The following EGFL6 variants were observed in gnomAD, a reference collection of about 807,000 sequenced individuals.
EGFL6 encodes the protein EGF like domain multiple 6.
A neutral mutation model predicts 43.1 loss-of-function variants in EGFL6; 42 were observed. The observed-to-expected ratio is 0.98, with a 90% confidence interval of 0.76 to 1.26. EGFL6 has a LOEUF of 1.26. EGFL6 is among the 50% of genes most tolerant of loss of function. EGFL6 has a pLI of 0.00. For missense variants in EGFL6, 429 were observed against 427.8 expected, an observed-to-expected ratio of 1.00 and a Z score of -0.02; for synonymous variants, 164 against 163.2, an observed-to-expected ratio of 1.01 and a Z score of -0.04.
At chrX:13,599,798 C>T (rs1336465730) in intron 3 of EGFL6, among the ~76,000 whole-genome samples, 177 bp from the exon 4 acceptor site, 1 of 111,024 alleles carries the variant, frequency 9.0e-6, no homozygotes, top group Non-Finnish European at 1.9e-5. Flanking sequence ...ATTCCATTTG[C>T]TACACATTGT....
At position 13,569,824 on chromosome X, in the gene EGFL6, A is replaced by AG. The variant is rs761692115; in HGVS notation, c.-32dup. Reference sequence around the variant, plus strand: ...ACGGGGTCCGGCCGGCGCCCTCCCGAGGGGGGCTCAGGAGGAGGAAGGAGG... The same window carrying AG: ...ACGGGGTCCGGCCGGCGCCCTCCCGAGGGGGGGCTCAGGAGGAGGAAGGAGG... On this transcript the variant is annotated 5_prime_UTR_variant, in exon 1 of 12. Transcript: ENST00000361306. 7.5e-6 allele frequency: 9 copies of AG among 1,198,798 alleles called. No individual in the cohort carries two copies. The highest frequency in any genetic ancestry group is 1.7e-5 in the African/African-American group (1 of 57,246).
chrX:13,603,480 G>T (rs751251403), intron 5 of EGFL6, 44 bp downstream of exon 5: 1 of 1,145,574 alleles, frequency 8.7e-7, no homozygotes. Flanking sequence ...CTCCTCCCTT[G>T]ACTCCCCTTT....
intron 1 of EGFL6, chrX:13,574,806 G>A (rs138364468): frequency 0.015 from 1,745 of 116,794 alleles, 15 homozygotes; most frequent in Middle Eastern, 0.026. Flanking sequence ...GTACATGCTG[G>A]AGTACAAGAA....
chrX:13,631,478 A>G (rs893223611), intron 11 of EGFL6, among the ~76,000 whole-genome samples: 1 of 111,821 alleles, frequency 8.9e-6, no homozygotes, highest in African/African-American at 3.3e-5. Context: ...TTAAATTACA[A>G]TATTGAAGAA....
At chrX:13,575,748 G>A (rs999147785) in intron 1 of EGFL6, among the ~76,000 whole-genome samples, 1 of 112,769 alleles carries the variant, frequency 8.9e-6, no homozygotes, top group South Asian at 3.7e-4. Context: ...CAAGCTATTT[G>A]ACATTGGGGG....
At chrX:13,600,266 CTTCT>C (rs202232140) in intron 4 of EGFL6, among the ~76,000 whole-genome samples, 172 bp downstream of exon 4, 3 of 73,637 alleles carry the variant, frequency 4.1e-5, no homozygotes, top group African/African-American at 1.2e-4. Context: ...CCTTTCTTTC[CTTCT>C]TTCTTTCTTC....
At chrX:13,610,049 C>A (rs749859515) in intron 7 of EGFL6, among the ~76,000 whole-genome samples, 9 of 111,633 alleles carry the variant, frequency 8.1e-5, no homozygotes, top group Admixed American at 7.6e-4. Context: ...AGACATTCAG[C>A]GCCACACCCA....
chrX:13,586,007 T>C (rs1441488147), intron 1 of EGFL6, among the ~76,000 whole-genome samples: 1 of 112,255 alleles, frequency 8.9e-6, no homozygotes, highest in Non-Finnish European at 1.9e-5. Flanking sequence ...TTCACCAAGG[T>C]ATGGGGATAG....
At position 13,631,317 on chromosome X, in the gene EGFL6, G is replaced by T. The variant is rs149988495; in HGVS notation, c.1552-1668G>T. ...TCTAGGCCTAGTCTGCTCTTTATGG[G>T]AGGCATGGGAGACATACTTCTCTTT... On this transcript the variant is annotated intron_variant, in intron 11 of 11. Coordinates refer to ENST00000361306, the MANE Select transcript of EGFL6 (RefSeq NM_015507.4). 1.7e-3 allele frequency among the ~76,000 whole-genome samples: 185 copies of T among 111,948 alleles called. 2 individuals are homozygous for T. The highest frequency in any genetic ancestry group is 9.3e-3 in the Middle Eastern group (2 of 216).
At chrX:13,628,168 G>A (rs974699106) in intron 11 of EGFL6, among the ~76,000 whole-genome samples, 7 of 111,230 alleles carry the variant, frequency 6.3e-5, no homozygotes, top group Admixed American at 5.8e-4. Context: ...GGTATTACAA[G>A]GGCTTAGAGG....
intron 11 of EGFL6, among the ~76,000 whole-genome samples, chrX:13,630,914 A>G (rs762253991): frequency 8.9e-6 from 1 of 112,791 alleles, no homozygotes; most frequent in African/African-American, 3.2e-5. Flanking sequence ...TTTCTTTAAA[A>G]TGCCAATTTA....
rs184909579 is a variant in EGFL6, at chrX:13,588,784, T to C, written c.75-772T>C. ...AAATTATATGCTATTCAAATTACAG[T>C]GTCCATAAATAAAGTTTTATTGGAA... On this transcript the variant is annotated intron_variant, in intron 1 of 11. Coordinates refer to ENST00000361306, the MANE Select transcript of EGFL6 (RefSeq NM_015507.4). 3.6e-5 allele frequency among the ~76,000 whole-genome samples: 4 copies of C among 112,463 alleles called. No individual in the cohort carries two copies. The East Asian group carries it at 1.1e-3, about 31-fold the overall frequency.
Position 13,569,760 on chromosome X carries a change from C to G in EGFL6, c.-102C>G. On this transcript the variant is annotated 5_prime_UTR_variant, in exon 1 of 12. Transcript: ENST00000361306. ...GTAACTGCGAGTGGAGCGGAGGACC[C>G]GAGCGGCTGAGGAGAGAGGAGGCGG... is the stretch of plus-strand genomic sequence containing the variant. 2.4e-6 allele frequency: 2 copies of G among 828,479 alleles called. No homozygotes were observed. The highest frequency in any genetic ancestry group is 2.2e-5 in the South Asian group (1 of 45,011). The allele number at this position is 828,479 out of a possible 1,213,427, so 68.3% of individuals were successfully genotyped here.
chrX:13,598,752 T>C (rs945042522), intron 3 of EGFL6, among the ~76,000 whole-genome samples: 2 of 107,053 alleles, frequency 1.9e-5, no homozygotes, highest in Admixed American at 2.1e-4. Flanking sequence ...TGTAACCTTC[T>C]TTTATCACGT....
At chrX:13,615,811 G>A (rs1310182798) in intron 7 of EGFL6, among the ~76,000 whole-genome samples, 1 of 111,764 alleles carries the variant, frequency 8.9e-6, no homozygotes, top group Non-Finnish European at 1.9e-5. Flanking sequence ...GTGGACTTCT[G>A]CTTGTTTATT....
chrX:13,600,809 A>AT (rs2045630544), intron 4 of EGFL6, among the ~76,000 whole-genome samples: 1 of 108,819 alleles, frequency 9.2e-6, no homozygotes, highest in Admixed American at 9.7e-5. Flanking sequence ...GAAAAAAAAA[A>AT]GCGGTAAAAT....
intron 9 of EGFL6, among the ~76,000 whole-genome samples, chrX:13,621,627 G>A (rs922657682): frequency 8.9e-6 from 1 of 112,161 alleles, no homozygotes; most frequent in Non-Finnish European, 1.9e-5. Flanking sequence ...CACTGGTTGA[G>A]GGCTGTCCCT....
chrX:13,621,559 T>TA (rs779331973), intron 9 of EGFL6, among the ~76,000 whole-genome samples: 115 of 111,503 alleles, frequency 1.0e-3, no homozygotes, highest in African/African-American at 3.6e-3. Flanking sequence ...TTCCAGCACT[T>TA]AGTGGTCCTT....
At position 13,576,264 on chromosome X, in the gene EGFL6, C is replaced by T. The variant is rs773669447; in HGVS notation, c.74+6329C>T. Among the ~76,000 whole-genome samples, 21 of 110,878 alleles carry T rather than the reference C, an allele frequency of 1.9e-4. No individual in the cohort carries two copies. In the East Asian group the frequency reaches 2.5e-3, roughly 13 times the overall value. ...CACATGGCAAAAGCAGGAGCAAGGGCGGGGAAAGGTGCCACACACTCATAC... is the reference window on the plus strand; with the variant it reads ...CACATGGCAAAAGCAGGAGCAAGGGTGGGGAAAGGTGCCACACACTCATAC... On this transcript the variant is annotated intron_variant, in intron 1 of 11. Transcript: ENST00000361306.
Sources: gnomAD v4.1 joint callset for allele counts (sites outside exome capture counted in the v4.1 genomes callset) on GRCh38, gnomAD v4.1.1 for gene constraint, MANE v1.5 for transcripts, NCBI Gene and HGNC (gene_info 2026-07-23, HGNC 2026-07-21) for gene names.